The following RASA1 variants were observed in gnomAD, a reference collection of about 807,000 sequenced individuals.
RASA1 encodes the protein ras GTPase-activating protein 1.
Under a neutral mutation model 132.2 loss-of-function variants are expected in RASA1, and 25 were observed. The ratio of observed to expected loss-of-function variants is 0.19; its 90% CI spans 0.14 to 0.26. The LOEUF is 0.26. RASA1 is among the 10% of genes least tolerant of loss of function. The pLI is 1.00. For missense variants in RASA1, 964 were observed against 1,299.2 expected (o/e 0.74, Z 3.97); for synonymous variants, 477 against 449.9 (o/e 1.06, Z -0.76).
intron 6 of RASA1, among the ~76,000 whole-genome samples, chr5:87,344,869 A>G (rs189031086): frequency 1.3e-5 from 2 of 151,878 alleles, no homozygotes; most frequent in Admixed American, 6.6e-5. Flanking sequence ...GAATTCTTCC[A>G]TTCATACTTA....
At chr5:87,290,657 C>G (rs1016096639) in intron 1 of RASA1, among the ~76,000 whole-genome samples, 2 of 152,154 alleles carry the variant, frequency 1.3e-5, no homozygotes, top group African/African-American at 2.4e-5. Flanking sequence ...TCTTCCTTCC[C>G]CCTTAGCCCC....
At chr5:87,318,823 C>G (rs981091329) in intron 1 of RASA1, 1 of 152,222 alleles carries the variant, frequency 6.6e-6, no homozygotes, top group Non-Finnish European at 1.5e-5. Flanking sequence ...CCCCCAAAGT[C>G]TTAACTCCTT....
At chr5:87,304,905 C>CT (rs1197559041) in intron 1 of RASA1, among the ~76,000 whole-genome samples, 18 of 79,410 alleles carry the variant, frequency 2.3e-4, no homozygotes, top group South Asian at 4.1e-4. Context: ...AACTTTTTAA[C>CT]TTTTTTTTTT....
chr5:87,374,818 C>G (rs769684434), intron 14 of RASA1, 22 bp from the exon 15 acceptor site: 2 of 1,604,640 alleles, frequency 1.2e-6, no homozygotes, highest in Non-Finnish European at 1.7e-6. Context: ...TTTGTTAATT[C>G]TTTTTCTCCT....
intron 1 of RASA1, among the ~76,000 whole-genome samples, chr5:87,311,015 A>C (rs1246460894): frequency 6.6e-6 from 1 of 152,198 alleles, no homozygotes; most frequent in East Asian, 1.9e-4. Flanking sequence ...GCAGTCCTTG[A>C]GTATATGTCC....
At chr5:87,330,937 G>T in intron 1 of RASA1, 1 of 1,418,194 alleles carries the variant, frequency 7.1e-7, no homozygotes, top group Non-Finnish European at 9.2e-7. Context: ...TATTCTCATA[G>T]GTTCCATGTG....
At chr5:87,359,190 T>A (rs1759884112) in intron 9 of RASA1, among the ~76,000 whole-genome samples, 1 of 152,168 alleles carries the variant, frequency 6.6e-6, no homozygotes, top group Non-Finnish European at 1.5e-5. Context: ...TTTCCTACAT[T>A]AAGTGACAAA....
chr5:87,287,336 C>T (rs1433486825), intron 1 of RASA1, among the ~76,000 whole-genome samples: 6 of 143,658 alleles, frequency 4.2e-5, no homozygotes, highest in African/African-American at 1.3e-4. Flanking sequence ...TATATACACA[C>T]CATATATATA....
Position 87,306,144 on chromosome 5 carries a change from T to C in RASA1, c.540-25204T>C, listed in dbSNP as rs573035949. 1.6e-3 allele frequency among the ~76,000 whole-genome samples: 238 copies of C among 152,028 alleles called. 1 individual carries two copies. The highest frequency in any genetic ancestry group is 6.8e-3 in the Middle Eastern group (2 of 294). ...ATATAACCAAAGGAATATAAATCAC[T>C]CTATTATAAAGACACATGCACATGT... On this transcript the variant is annotated intron_variant, in intron 1 of 24. Transcript: ENST00000274376.
intron 1 of RASA1, among the ~76,000 whole-genome samples, chr5:87,290,418 C>T (rs1169806555): frequency 6.6e-6 from 1 of 152,122 alleles, no homozygotes; most frequent in Non-Finnish European, 1.5e-5. Flanking sequence ...ATATTCCACC[C>T]CCTCTTTTTC....
chr5:87,349,423 A>G (rs1759099886), intron 8 of RASA1, 59 bp downstream of exon 8: 2 of 1,568,956 alleles, frequency 1.3e-6, no homozygotes, highest in African/African-American at 2.7e-5. Flanking sequence ...AAATCTTGAT[A>G]ATACAGTATT....
Position 87,386,874 on chromosome 5 carries a change from C to T in RASA1, c.2896C>T (p.Arg966Cys), listed in dbSNP as rs1762096652. 1.9e-6 allele frequency: 3 copies of T among 1,612,430 alleles called. No homozygotes were observed. Among genetic ancestry groups the T allele is most frequent in the Non-Finnish European group, 1.7e-6 (2 of 1,179,204 alleles). Residue 966 changes from arginine to cysteine, a missense_variant, in exon 23 of 25, where the codon CGT (arginine) becomes TGT (cysteine). Arg to Cys is a radical substitution (Grantham distance 180). This residue lies in a region of RASA1 where 107 missense variants were observed against 163.8 expected (regional missense o/e 0.65). Coordinates refer to ENST00000274376, the MANE Select transcript of RASA1 (RefSeq NM_002890.3). ...VNPFIKSNKH[R>C]MIMFLDELGN... ...TCCATTCATCAAAAGCAACAAACAT[C>T]GTATGATCATGTTTTTAGATGAACT... is the stretch of plus-strand genomic sequence containing the variant.
chr5:87,359,341 A>G (rs565418920), intron 9 of RASA1, among the ~76,000 whole-genome samples: 2 of 152,140 alleles, frequency 1.3e-5, no homozygotes, highest in Admixed American at 6.5e-5. Flanking sequence ...TCTAAGAACT[A>G]TCTCTCAGGC....
At chr5:87,383,395 C>T (rs1179283194) in intron 20 of RASA1, among the ~76,000 whole-genome samples, 2 of 152,040 alleles carry the variant, frequency 1.3e-5, no homozygotes, top group Non-Finnish European at 2.9e-5. Flanking sequence ...ATCAAATGAC[C>T]ACTAGCCTGG....
rs201803930 is a variant in RASA1, at chr5:87,332,805, GA to G, written c.828+172del. Among the ~76,000 whole-genome samples the G allele has an allele frequency of 2.6e-4, 39 of 148,614 alleles. 1 individual carries two copies. The highest frequency in any genetic ancestry group is 7.4e-4 in the African/African-American group (30 of 40,606). ...TCAGAACAAAATGGACAACTTCTTT[GA>G]AAAAAAAAGAAAATATTTTTCAATA... is the stretch of plus-strand genomic sequence containing the variant. On this transcript the variant is annotated intron_variant, in intron 3 of 24. Transcript: ENST00000274376.
At position 87,376,992 on chromosome 5, in the gene RASA1, G is replaced by T. The variant is rs1684635771; in HGVS notation, c.2296G>T (p.Glu766Ter). The T allele has an allele frequency of 6.2e-7, 1 of 1,613,700 alleles. No individual in the cohort carries two copies. The highest frequency in any genetic ancestry group is 1.3e-5 in the African/African-American group (1 of 74,932). ...GAGGATTTTTCTTCACGAAAAGCTT[G>T]AATCGTTGTTGTTATGCACACTAAA... ...LLRIFLHEKL[E>*]SLLLCTLNDR... Residue 766 changes from glutamate to a stop codon, truncating the protein, a stop_gained, in exon 17 of 25, where the codon GAA (glutamate) becomes TAA (stop). Transcript: ENST00000274376. LOFTEE classifies it high-confidence loss of function.
In RASA1 at chr5:87,363,332, T is replaced by G; in HGVS notation, c.1454-16T>G. ...AATTGTTTGGCTAAGAGAAAACAAT[T>G]TTTTTTTTTAAACAGGCAAAGGAAA... On this transcript the variant is annotated splice_polypyrimidine_tract_variant and intron_variant, in intron 10 of 24. Coordinates refer to ENST00000274376, the MANE Select transcript of RASA1 (RefSeq NM_002890.3). The G allele has an allele frequency of 1.3e-6, 2 of 1,574,582 alleles. No individual in the cohort carries two copies. Among genetic ancestry groups the G allele is most frequent in the Non-Finnish European group, 1.7e-6 (2 of 1,154,514 alleles).
chr5:87,278,489 T>C (rs1754165406), intron 1 of RASA1, among the ~76,000 whole-genome samples: 1 of 151,540 alleles, frequency 6.6e-6, no homozygotes, highest in African/African-American at 2.4e-5. Flanking sequence ...GAGTTTGCAG[T>C]GAGCCGAGAT....
chr5:87,289,197 GTTACAC>G (rs1372576910), intron 1 of RASA1, among the ~76,000 whole-genome samples: 2 of 152,054 alleles, frequency 1.3e-5, no homozygotes, highest in African/African-American at 4.8e-5. Context: ...TTTTCTCATA[GTTACAC>G]TTAGATTAAC....
Sources: gnomAD v4.1 joint callset for allele counts (sites outside exome capture counted in the v4.1 genomes callset) on GRCh38, gnomAD v4.1.1 for gene constraint, gnomAD v4.1.1 regional missense constraint, MANE v1.5 for transcripts, NCBI Gene and HGNC (gene_info 2026-07-23, HGNC 2026-07-21) for gene names.